PARD3B: variants seen among roughly 807,000 people sequenced by gnomAD.
PARD3B encodes the protein partitioning defective 3 homolog B.
PARD3B carries 103 observed loss-of-function variants against 130.2 expected under a neutral mutation model. That is an observed-to-expected ratio of 0.79 (90% confidence interval 0.67 to 0.93). The LOEUF (loss-of-function observed/expected upper bound fraction) is 0.93. Among genes scored for constraint, PARD3B ranks in the 40% least tolerant of loss-of-function variants. The pLI is 0.00. For missense variants in PARD3B, 1,609 were observed against 1,499.2 expected (o/e 1.07, Z -1.21); for synonymous variants, 583 against 553.2 (o/e 1.05, Z -0.76).
At chr2:204,621,662 A>G (rs1383187163) in intron 1 of PARD3B, among the ~76,000 whole-genome samples, 1 of 152,226 alleles carries the variant, frequency 6.6e-6, no homozygotes, top group African/African-American at 2.4e-5. Flanking sequence ...AAACATTTCT[A>G]GAAACCTTTT....
At chr2:205,502,519 C>T (rs2050194469) in intron 21 of PARD3B, among the ~76,000 whole-genome samples, 1 of 152,148 alleles carries the variant, frequency 6.6e-6, no homozygotes, top group Non-Finnish European at 1.5e-5. Flanking sequence ...CTAGCAAAAC[C>T]ACTGTGGACC....
At chr2:205,383,365 T>A (rs1428274004) in intron 18 of PARD3B, among the ~76,000 whole-genome samples, 2 of 152,056 alleles carry the variant, frequency 1.3e-5, no homozygotes, top group East Asian at 3.9e-4. Context: ...CATATATTCA[T>A]AAATTTTTTT....
intron 2 of PARD3B, among the ~76,000 whole-genome samples, chr2:204,840,919 T>C (rs954397750): frequency 2.0e-5 from 3 of 152,128 alleles, no homozygotes; most frequent in African/African-American, 7.2e-5. Flanking sequence ...AAAAACATAG[T>C]GTATATAGGG....
chr2:205,314,927 G>A (rs886342579), intron 18 of PARD3B, among the ~76,000 whole-genome samples: 1 of 152,012 alleles, frequency 6.6e-6, no homozygotes, highest in Non-Finnish European at 1.5e-5. Context: ...CCACCCTTCC[G>A]TCAGTCAACA....
At position 204,546,451 on chromosome 2, in the gene PARD3B, G is replaced by A. The variant is rs185216612; in HGVS notation, c.120+332G>A. Among the ~76,000 whole-genome samples the A allele has an allele frequency of 1.2e-4, 18 of 152,270 alleles. 1 individual carries two copies. The East Asian group carries it at 3.3e-3, about 28-fold the overall frequency. On this transcript the variant is annotated intron_variant, in intron 1 of 22. Transcript: ENST00000406610. ...GATTGGAATGCCCACTGAAGTTTGA[G>A]AACCACTGGTTTAGAACTTGTTTGA...
chr2:205,409,022 G>T (rs1574948273), intron 19 of PARD3B, among the ~76,000 whole-genome samples: 1 of 152,230 alleles, frequency 6.6e-6, no homozygotes, highest in Admixed American at 6.5e-5. Flanking sequence ...GGCTAAAAAA[G>T]ATCCAGTTAA....
At chr2:204,897,851 A>G (rs1261219906) in intron 2 of PARD3B, among the ~76,000 whole-genome samples, 1 of 151,870 alleles carries the variant, frequency 6.6e-6, no homozygotes, top group Non-Finnish European at 1.5e-5. Context: ...GCAGAGAACA[A>G]AAGACTATTA....
intron 10 of PARD3B, among the ~76,000 whole-genome samples, chr2:205,151,039 T>G (rs1056358264): frequency 1.3e-5 from 2 of 152,234 alleles, no homozygotes; most frequent in Non-Finnish European, 2.9e-5. Flanking sequence ...TATAAGGTAA[T>G]GCATATGTTA....
chr2:204,972,320 G>T (rs1340659138), intron 3 of PARD3B, among the ~76,000 whole-genome samples: 1 of 151,940 alleles, frequency 6.6e-6, no homozygotes. Context: ...ACATGCTATA[G>T]TTTTATAAAT....
chr2:204,712,570 C>T (rs1237743697), intron 2 of PARD3B, among the ~76,000 whole-genome samples: 2 of 145,710 alleles, frequency 1.4e-5, no homozygotes, highest in East Asian at 2.0e-4. Context: ...GCGGAGATCA[C>T]GCCACTGCAC....
At chr2:205,130,959 C>T (rs1449972920) in intron 10 of PARD3B, among the ~76,000 whole-genome samples, 1 of 152,110 alleles carries the variant, frequency 6.6e-6, no homozygotes, top group Admixed American at 6.5e-5. Context: ...GGTTACCTGT[C>T]CCTGTGACTA....
At chr2:204,794,644 G>A (rs1559150117) in intron 2 of PARD3B, among the ~76,000 whole-genome samples, 1 of 152,160 alleles carries the variant, frequency 6.6e-6, no homozygotes, top group Non-Finnish European at 1.5e-5. Context: ...CAAATAATCA[G>A]GTAGTGATGA....
chr2:204,762,386 A>G (rs986990341), intron 2 of PARD3B, among the ~76,000 whole-genome samples: 2 of 152,054 alleles, frequency 1.3e-5, no homozygotes, highest in African/African-American at 4.8e-5. Context: ...GGCCTTCCAA[A>G]GTAATAGGAT....
intron 18 of PARD3B, among the ~76,000 whole-genome samples, chr2:205,343,372 G>A (rs1452158694): frequency 6.6e-6 from 1 of 152,194 alleles, no homozygotes; most frequent in Non-Finnish European, 1.5e-5. Flanking sequence ...GCCATAGAGT[G>A]GAGTTAGGGA....
At chr2:205,192,951 G>A (rs970274206) in intron 14 of PARD3B, among the ~76,000 whole-genome samples, 1 of 152,130 alleles carries the variant, frequency 6.6e-6, no homozygotes, top group Non-Finnish European at 1.5e-5. Flanking sequence ...ATCCCAATTA[G>A]CAGAAATCAG....
At chr2:204,612,323 C>T (rs986385657) in intron 1 of PARD3B, among the ~76,000 whole-genome samples, 1 of 152,162 alleles carries the variant, frequency 6.6e-6, no homozygotes. Context: ...ACAGGAACAA[C>T]AACAAACCAT....
chr2:204,651,077 C>A (rs570204923), intron 1 of PARD3B, among the ~76,000 whole-genome samples: 2 of 152,242 alleles, frequency 1.3e-5, no homozygotes, highest in Admixed American at 1.3e-4. Context: ...GACCCAGAGC[C>A]AAACCATATT....
In PARD3B at chr2:205,172,280, C is replaced by T. The variant is rs764490549; in HGVS notation, c.1690C>T (p.His564Tyr). 2.5e-6 allele frequency: 4 copies of T among 1,614,044 alleles called. No individual in the cohort carries two copies. In the South Asian group the frequency reaches 3.3e-5, roughly 13 times the overall value. ...GGAATCTCTTTTGGGAAAGTCCAAC[C>T]ACGAAGCTATGGAAACACTTAGGCG... ...NGESLLGKSN[H>Y]EAMETLRRSM... The change falls in exon 12 of 23, where the codon CAC (histidine) becomes TAC (tyrosine). Residue 564 changes from histidine to tyrosine, a missense_variant. Coordinates refer to ENST00000406610, the MANE Select transcript of PARD3B (RefSeq NM_001302769.2).
chr2:204,577,283 C>G lies in PARD3B; in HGVS notation c.120+31164C>G, dbSNP rs753911272. On this transcript the variant is annotated intron_variant, in intron 1 of 22. Transcript: ENST00000406610. ...GTGCTTAATATGTGCCAGGCACTTTCTAAACACTTTGCATATGTTAATCTA... is the reference window on the plus strand; with the variant it reads ...GTGCTTAATATGTGCCAGGCACTTTGTAAACACTTTGCATATGTTAATCTA... Among the ~76,000 whole-genome samples the G allele has an allele frequency of 3.7e-4, 56 of 152,292 alleles. 1 individual carries two copies. The highest frequency in any genetic ancestry group is 6.8e-3 in the Middle Eastern group (2 of 294).
Sources: gnomAD v4.1 joint callset for allele counts (sites outside exome capture counted in the v4.1 genomes callset) on GRCh38, gnomAD v4.1.1 for gene constraint, MANE v1.5 for transcripts, NCBI Gene and HGNC (gene_info 2026-07-23, HGNC 2026-07-21) for gene names.